NCAPH2: variants seen among roughly 807,000 people sequenced by gnomAD.
NCAPH2 encodes the protein condensin-2 complex subunit H2.
Under a neutral mutation model 88.6 loss-of-function variants are expected in NCAPH2, and 56 were observed. The observed-to-expected ratio is 0.63, with a 90% CI of 0.51 to 0.79. NCAPH2 has a LOEUF of 0.79. NCAPH2 is among the 30% of genes least tolerant of loss of function. The pLI is 0.00. For synonymous variants in NCAPH2, 378 were observed against 313.6 expected (o/e 1.21, Z -2.17); for missense variants, 794 against 792.0 (o/e 1.00, Z -0.03).
chr22:50,519,793 G>A, intron 9 of NCAPH2: 1 of 959,204 alleles, frequency 1.0e-6, no homozygotes, highest in Non-Finnish European at 1.2e-6. Flanking sequence ...ACTCTAGTTG[G>A]TAGATGGCAT....
At chr22:50,518,106 A>G in intron 6 of NCAPH2, 27 bp from the exon 7 acceptor site, 1 of 1,613,836 alleles carries the variant, frequency 6.2e-7, no homozygotes, top group South Asian at 1.1e-5. Context: ...AAGGGTCTCT[A>G]CAGCAGGCGT....
chr22:50,509,340 T>C (rs1482141250), intron 1 of NCAPH2, among the ~76,000 whole-genome samples: 1 of 152,200 alleles, frequency 6.6e-6, no homozygotes, highest in East Asian at 1.9e-4. Context: ...CTAGTGGGTG[T>C]CACGCAAACA....
chr22:50,519,904 T>C (rs901034434), intron 9 of NCAPH2: 24 of 495,412 alleles, frequency 4.8e-5, no homozygotes, highest in Admixed American at 6.4e-5. Flanking sequence ...GGAGTTTTGC[T>C]CTGTCCCCCA....
intron 10 of NCAPH2, 86 bp from the exon 11 acceptor site, chr22:50,521,457 A>G: frequency 7.3e-7 from 1 of 1,374,056 alleles, no homozygotes; most frequent in Non-Finnish European, 1.0e-6. Flanking sequence ...TTCCTTTGGG[A>G]GGGTGGCTGT....
At chr22:50,508,615 C>T (rs917016236) in intron 1 of NCAPH2, among the ~76,000 whole-genome samples, 170 bp downstream of exon 1, 1 of 152,268 alleles carries the variant, frequency 6.6e-6, no homozygotes, top group Non-Finnish European at 1.5e-5. Context: ...CCATCTCTGC[C>T]TCCCCAAATC....
intron 4 of NCAPH2, 26 bp from the exon 5 acceptor site, chr22:50,517,715 C>T: frequency 3.1e-6 from 5 of 1,614,062 alleles, no homozygotes; most frequent in South Asian, 2.2e-5. Flanking sequence ...CTGGGCTCCG[C>T]CCCCACGAGC....
At chr22:50,510,781 C>T (rs2068760844) in intron 1 of NCAPH2, among the ~76,000 whole-genome samples, 1 of 151,932 alleles carries the variant, frequency 6.6e-6, no homozygotes, top group Non-Finnish European at 1.5e-5. Context: ...AGCTGACCAC[C>T]CTATCTAAAA....
intron 9 of NCAPH2, chr22:50,519,702 C>T (rs2069031314): frequency 9.3e-7 from 1 of 1,080,730 alleles, no homozygotes; most frequent in Non-Finnish European, 1.1e-6. Context: ...TGTACCCAGC[C>T]TAGAGCCAAG....
At chr22:50,508,894 T>C (rs1208177890) in intron 1 of NCAPH2, among the ~76,000 whole-genome samples, 2 of 152,234 alleles carry the variant, frequency 1.3e-5, no homozygotes, top group African/African-American at 4.8e-5. Flanking sequence ...GTTTCTTCCA[T>C]GTTTGACAGC....
rs182548610 is a variant in NCAPH2, at chr22:50,522,989, G to A, written c.1528-28G>A. On this transcript the variant is annotated intron_variant, in intron 18 of 19. Coordinates refer to ENST00000420993, the MANE Select transcript of NCAPH2 (RefSeq NM_152299.4). ...TCTGTCCAGGGCCTTGCCTCTCTCCGCAGCCAACATGCCCCTCCCCTGTGC... is the reference window on the plus strand; with the variant it reads ...TCTGTCCAGGGCCTTGCCTCTCTCCACAGCCAACATGCCCCTCCCCTGTGC... The A allele has an allele frequency of 3.5e-5, 56 of 1,606,704 alleles. No individual in the cohort carries two copies. In the African/African-American group the frequency reaches 3.7e-4, roughly 11 times the overall value.
Position 50,523,489 on chromosome 22 carries a change from C to T in NCAPH2, c.*114C>T, listed in dbSNP as rs550426100. The T allele has an allele frequency of 5.1e-5, 79 of 1,535,936 alleles. No homozygotes were observed. In the African/African-American group the frequency reaches 6.7e-4, roughly 13 times the overall value. On this transcript the variant is annotated 3_prime_UTR_variant, in exon 20 of 20. Transcript: ENST00000420993. ...GCCATCTCATCTTCCCCCTAAAAAC[C>T]CTTTTATGTACACCTGCGCAGAGAA...
intron 10 of NCAPH2, 79 bp from the exon 11 acceptor site, chr22:50,521,464 C>T (rs2069093593): frequency 2.1e-6 from 3 of 1,437,882 alleles, no homozygotes; most frequent in South Asian, 1.1e-5. Flanking sequence ...GGGAGGGTGG[C>T]TGTGCATCCC....
chr22:50,524,425 C>T lies in NCAPH2; in HGVS notation c.*1050C>T, dbSNP rs2069238014. 3.7e-6 allele frequency: 6 copies of T among 1,609,620 alleles called. No homozygotes were observed. The highest frequency in any genetic ancestry group is 5.1e-6 in the Non-Finnish European group (6 of 1,179,680). ...CAGCAGCAGCATGGATCTGATGCTC[C>T]TGGAAACAAGCACAGGCGTCAGGAG... On this transcript the variant is annotated 3_prime_UTR_variant, in exon 20 of 20. Transcript: ENST00000420993.
Position 50,524,710 on chromosome 22 carries a change from G to A in NCAPH2, c.*1335G>A. The A allele has an allele frequency of 1.6e-6, 1 of 629,178 alleles. No homozygotes were observed. Among genetic ancestry groups the A allele is most frequent in the South Asian group, 1.5e-5 (1 of 65,912 alleles). The allele number at this position is 629,178 out of a possible 1,614,324, so 39.0% of individuals were successfully genotyped here. On this transcript the variant is annotated 3_prime_UTR_variant, in exon 20 of 20. Coordinates refer to ENST00000420993, the MANE Select transcript of NCAPH2 (RefSeq NM_152299.4). ...AAGGTGAACCTCTTGCTGACGGAAAGCATTCCAAGTGCATGCCTTGCCTGA... is the reference window on the plus strand; with the variant it reads ...AAGGTGAACCTCTTGCTGACGGAAAACATTCCAAGTGCATGCCTTGCCTGA...
At position 50,521,037 on chromosome 22, in the gene NCAPH2, G is replaced by A; in HGVS notation, c.933+1G>A. On this transcript the variant is annotated splice_donor_variant, in intron 10 of 19. Coordinates refer to ENST00000420993, the MANE Select transcript of NCAPH2 (RefSeq NM_152299.4). LOFTEE classifies it high-confidence loss of function. The stretch of plus-strand genomic sequence containing the variant: ...CCCAGAGCCTGCATCCTGCGTGAAG[G>A]TAGGAGTGTTGGGGCCCTGACCCCC... 6.5e-7 allele frequency: 1 copy of A among 1,550,246 alleles called. No homozygotes were observed. Among genetic ancestry groups the A allele is most frequent in the Non-Finnish European group, 8.7e-7 (1 of 1,146,794 alleles).
chr22:50,518,697 G>T lies in NCAPH2; in HGVS notation c.695G>T (p.Ser232Ile). ...CCAATGGAAGTTTCCGTGTGCAGGA[G>T]CCCTGTCCCAGCACTCGGCTTCTCC... is the stretch of plus-strand genomic sequence containing the variant. The part of the protein sequence containing the change: ...EQPMEVSVCR[S>I]PVPALGFSQE... Residue 232 changes from serine to isoleucine, a missense_variant, in exon 8 of 20, where the codon AGC becomes ATC. Ser to Ile is a moderately radical substitution (Grantham distance 142). Around this residue, in one of 2 missense-constraint regions of NCAPH2, gnomAD observed 735 missense variants for 696.3 expected, o/e 1.06. Coordinates refer to ENST00000420993, the MANE Select transcript of NCAPH2 (RefSeq NM_152299.4). The T allele has an allele frequency of 6.2e-7, 1 of 1,609,482 alleles. No homozygotes were observed. The highest frequency in any genetic ancestry group is 1.1e-5 in the South Asian group (1 of 89,986).
At chr22:50,521,883 G>A (rs748867912) in intron 12 of NCAPH2, 35 bp downstream of exon 12, 2 of 1,613,276 alleles carry the variant, frequency 1.2e-6, no homozygotes, top group Non-Finnish European at 1.7e-6. Context: ...GGACCACTGG[G>A]AGCTGGGGGC....
At chr22:50,513,977 G>A (rs1387243555) in intron 1 of NCAPH2, among the ~76,000 whole-genome samples, 1 of 152,094 alleles carries the variant, frequency 6.6e-6, no homozygotes, top group Non-Finnish European at 1.5e-5. Context: ...AATTAGCCGG[G>A]CGCCTATAAT....
chr22:50,517,562 G>A lies in NCAPH2; in HGVS notation c.267-15G>A, dbSNP rs750814257. 6.2e-7 allele frequency: 1 copy of A among 1,614,090 alleles called. No homozygotes were observed. Among genetic ancestry groups the A allele is most frequent in the Non-Finnish European group, 8.5e-7 (1 of 1,180,030 alleles). ...GCAGCTCCTGGGATGCCCACGGGATGTGCTTCTCTCTCAGGCGGGCCAAGC... is the reference window on the plus strand; with the variant it reads ...GCAGCTCCTGGGATGCCCACGGGATATGCTTCTCTCTCAGGCGGGCCAAGC... On this transcript the variant is annotated splice_polypyrimidine_tract_variant and intron_variant, in intron 3 of 19. Coordinates refer to ENST00000420993, the MANE Select transcript of NCAPH2 (RefSeq NM_152299.4).
Sources: allele counts gnomAD v4.1 joint callset (sites outside exome capture counted in the v4.1 genomes callset), GRCh38; gene constraint gnomAD v4.1.1; regional missense constraint gnomAD v4.1.1; transcripts MANE v1.5; gene names NCBI Gene and HGNC (gene_info 2026-07-23, HGNC 2026-07-21).